Variants in KCNH1 observed in about 807,000 individuals in gnomAD.
KCNH1 encodes the protein potassium voltage-gated channel subfamily H member 1, also known as voltage-gated delayed rectifier potassium channel KCNH1.
A neutral mutation model predicts 69.2 loss-of-function variants in KCNH1; 27 were observed. The ratio of observed to expected loss-of-function variants is 0.39; its 90% confidence interval spans 0.29 to 0.54. KCNH1 has a LOEUF of 0.54. KCNH1 is among the 20% of genes least tolerant of loss of function. KCNH1 has a pLI of 0.68. For synonymous variants in KCNH1, 456 were observed against 487.7 expected (o/e 0.93, Z 0.86); for missense variants, 798 against 1,261.6 (o/e 0.63, Z 5.57).
intron 7 of KCNH1, among the ~76,000 whole-genome samples, chr1:210,833,765 A>C (rs1685220236): frequency 6.6e-6 from 1 of 152,234 alleles, no homozygotes; most frequent in African/African-American, 2.4e-5. Flanking sequence ...AAATGGGAGA[A>C]AATTTTCACA....
chr1:210,766,512 T>G (rs1683635689), intron 10 of KCNH1, among the ~76,000 whole-genome samples: 1 of 149,034 alleles, frequency 6.7e-6, no homozygotes, highest in Non-Finnish European at 1.5e-5. Flanking sequence ...GCAACAAGAT[T>G]GAGGGGGGGT....
intron 10 of KCNH1, among the ~76,000 whole-genome samples, chr1:210,689,536 G>A (rs75906147): frequency 0.017 from 2,577 of 152,346 alleles, 35 homozygotes; most frequent in Middle Eastern, 0.031. Flanking sequence ...TGTAATGTCA[G>A]TCCTCAGTGG....
intron 6 of KCNH1, among the ~76,000 whole-genome samples, chr1:210,951,567 T>A (rs1688062697): frequency 6.6e-6 from 1 of 152,178 alleles, no homozygotes; most frequent in African/African-American, 2.4e-5. Flanking sequence ...TCTTTCTAGA[T>A]ACTCTTCTTG....
At chr1:210,686,010 C>T (rs542715103) in intron 10 of KCNH1, among the ~76,000 whole-genome samples, 1 of 152,304 alleles carries the variant, frequency 6.6e-6, no homozygotes, top group South Asian at 2.1e-4. Context: ...CCAGCTATTA[C>T]CTGGGTTCCA....
At chr1:210,768,591 T>C (rs1486119831) in intron 10 of KCNH1, among the ~76,000 whole-genome samples, 4 of 152,232 alleles carry the variant, frequency 2.6e-5, no homozygotes, top group Admixed American at 6.5e-5. Context: ...GGGTAGGCGA[T>C]GTAGATCCAC....
At chr1:210,797,028 C>T (rs1684328713) in intron 9 of KCNH1, among the ~76,000 whole-genome samples, 1 of 152,176 alleles carries the variant, frequency 6.6e-6, no homozygotes, top group Non-Finnish European at 1.5e-5. Flanking sequence ...TCTTGTGTTC[C>T]AGCCACACTA....
At chr1:210,771,046 C>T (rs143615691) in intron 10 of KCNH1, among the ~76,000 whole-genome samples, 46 of 152,312 alleles carry the variant, frequency 3.0e-4, no homozygotes, top group Non-Finnish European at 5.4e-4. Flanking sequence ...CTGACATACA[C>T]GTACTGATAC....
chr1:211,108,355 T>C (rs1251021972), intron 1 of KCNH1: 1 of 148,956 alleles, frequency 6.7e-6, no homozygotes, highest in Non-Finnish European at 1.5e-5. Context: ...ACAAACAGCC[T>C]TCTTTAGTTG....
At chr1:211,095,468 C>T (rs1691131782) in intron 3 of KCNH1, among the ~76,000 whole-genome samples, 2 of 152,276 alleles carry the variant, frequency 1.3e-5, no homozygotes, top group Middle Eastern at 6.8e-3. Context: ...TATGTAGCTC[C>T]CTTAGGTCAT....
At chr1:210,858,404 C>T (rs939508485) in intron 7 of KCNH1, 9 of 152,202 alleles carry the variant, frequency 5.9e-5, no homozygotes, top group African/African-American at 1.9e-4. Flanking sequence ...GAGTGGACCA[C>T]GAAGTCACCA....
intron 10 of KCNH1, among the ~76,000 whole-genome samples, chr1:210,691,206 G>A (rs936719254): frequency 1.3e-5 from 2 of 152,164 alleles, no homozygotes; most frequent in African/African-American, 2.4e-5. Context: ...GGTACACAAG[G>A]TGAAGGATTT....
chr1:210,757,137 G>A (rs1683416602), intron 10 of KCNH1, among the ~76,000 whole-genome samples: 1 of 152,008 alleles, frequency 6.6e-6, no homozygotes, highest in South Asian at 2.1e-4. Context: ...TAGCCCTGGG[G>A]GAGGCTGTCA....
intron 5 of KCNH1, among the ~76,000 whole-genome samples, chr1:211,019,498 C>T (rs1030556397): frequency 1.3e-5 from 2 of 152,232 alleles, no homozygotes; most frequent in Non-Finnish European, 2.9e-5. Context: ...ACTTTACACA[C>T]ATTTATTCTA....
chr1:211,002,150 A>T (rs1689195261), intron 6 of KCNH1, among the ~76,000 whole-genome samples: 1 of 151,904 alleles, frequency 6.6e-6, no homozygotes, highest in African/African-American at 2.4e-5. Flanking sequence ...ACACATATGT[A>T]ACAAACCTGC....
At chr1:210,703,990 C>G (rs115096223) in intron 10 of KCNH1, among the ~76,000 whole-genome samples, 1 of 152,076 alleles carries the variant, frequency 6.6e-6, no homozygotes, top group East Asian at 1.9e-4. Flanking sequence ...GCCAAGTGCT[C>G]TACGAGAGAC....
chr1:211,003,869 G>A (rs1269915235), intron 6 of KCNH1, among the ~76,000 whole-genome samples: 2 of 152,056 alleles, frequency 1.3e-5, no homozygotes, highest in African/African-American at 2.4e-5. Flanking sequence ...CGAGGCAGGC[G>A]GATCACGAGG....
In KCNH1 at chr1:210,961,105, G is replaced by A. The variant is rs1262838459; in HGVS notation, c.1033-41036C>T. On this transcript the variant is annotated intron_variant, in intron 6 of 10. Coordinates refer to ENST00000271751, the MANE Select transcript of KCNH1 (RefSeq NM_172362.3). Reference sequence around the variant, plus strand: ...GTATCATGTCTGGGTCAGTTTTCATGTGCTTATTTGCCATCTTCATATCTG... The same window carrying A: ...GTATCATGTCTGGGTCAGTTTTCATATGCTTATTTGCCATCTTCATATCTG... Among the ~76,000 whole-genome samples the A allele has an allele frequency of 2.6e-5, 4 of 152,272 alleles. No homozygotes were observed. The East Asian group carries it at 5.8e-4, about 22-fold the overall frequency.
chr1:211,014,014 T>A (rs553661608), intron 6 of KCNH1, among the ~76,000 whole-genome samples: 67 of 152,188 alleles, frequency 4.4e-4, no homozygotes, highest in Non-Finnish European at 8.5e-4. Flanking sequence ...TGTGAGCTCT[T>A]GGCAAGTGTC....
chr1:210,701,517 G>A (rs1681780571), intron 10 of KCNH1, among the ~76,000 whole-genome samples: 1 of 152,214 alleles, frequency 6.6e-6, no homozygotes, highest in South Asian at 2.1e-4. Context: ...CTTGGGATCA[G>A]ACAGCCTTGG....
Sources: gnomAD v4.1 joint callset for allele counts (sites outside exome capture counted in the v4.1 genomes callset) on GRCh38, gnomAD v4.1.1 for gene constraint, MANE v1.5 for transcripts, NCBI Gene and HGNC (gene_info 2026-07-23, HGNC 2026-07-21) for gene names.